CERT1: variants seen among roughly 807,000 people sequenced by gnomAD.
CERT1 encodes ceramide transporter 1, also known as ceramide transfer protein.
A neutral mutation model predicts 87.9 loss-of-function variants in CERT1; 31 were observed. The observed-to-expected ratio is 0.35, with a 90% CI of 0.27 to 0.48. CERT1 has a LOEUF of 0.48. CERT1 is among the 20% of genes least tolerant of loss of function. The probability of loss-of-function intolerance (pLI) is 0.99; values close to 1 mark genes in which losing one functional copy is unlikely to be tolerated. For missense variants in CERT1, 487 were observed against 758.0 expected, an observed-to-expected ratio of 0.64 and a Z score of 4.20; for synonymous variants, 289 against 250.9, an observed-to-expected ratio of 1.15 and a Z score of -1.44.
intron 12 of CERT1, 78 bp from the exon 13 acceptor site, chr5:75,386,112 C>A: frequency 2.7e-6 from 3 of 1,108,110 alleles, no homozygotes; most frequent in South Asian, 3.2e-5. Context: ...GCTTTTAATA[C>A]AGCTGCTCTT....
rs976272233 is a variant in CERT1 at position 75,403,961 on chromosome 5, C to G, written c.931-903G>C. Among the ~76,000 whole-genome samples the G allele has an allele frequency of 2.0e-5, 3 of 152,032 alleles. No homozygotes were observed. The South Asian group carries it at 6.2e-4, about 32-fold the overall frequency. ...AACATATGTTCCTGCTGTGATGAAC[C>G]AAGTAAGTGGAACAACAGCTTTGTA... On this transcript the variant is annotated intron_variant, in intron 8 of 16. Coordinates refer to ENST00000643780, the MANE Select transcript of CERT1 (RefSeq NM_001379029.1).
intron 2 of CERT1, among the ~76,000 whole-genome samples, chr5:75,479,322 G>T (rs1189696944): frequency 6.6e-6 from 1 of 151,938 alleles, no homozygotes; most frequent in Non-Finnish European, 1.5e-5. Flanking sequence ...TAGGTTTGGG[G>T]GTACATGTGA....
intron 2 of CERT1, among the ~76,000 whole-genome samples, chr5:75,504,383 T>C (rs1190283774): frequency 6.6e-6 from 1 of 152,186 alleles, no homozygotes; most frequent in Non-Finnish European, 1.5e-5. Context: ...CGTAGTTTCA[T>C]TATCAACACT....
chr5:75,374,559 G>A (rs1761215136), downstream of CERT1: 2 of 713,666 alleles, frequency 2.8e-6, no homozygotes, highest in Admixed American at 1.7e-5. Context: ...CGTGCCCAAG[G>A]ACAAGGCCAT....
chr5:75,393,076 CATGCTATTAGGCTCAAAATTTG>C (rs1207016922), intron 11 of CERT1, among the ~76,000 whole-genome samples: 1 of 147,424 alleles, frequency 6.8e-6, no homozygotes, highest in Non-Finnish European at 1.5e-5. Flanking sequence ...CCAAATTTAC[CATGCTATTAGGCTCAAAATTTG>C]ACATTCTAGG....
intron 7 of CERT1, among the ~76,000 whole-genome samples, chr5:75,414,480 T>C (rs1389670659): frequency 6.6e-6 from 1 of 152,206 alleles, no homozygotes; most frequent in Non-Finnish European, 1.5e-5. Flanking sequence ...TGAAAATGTA[T>C]GTAAAAGTAC....
intron 2 of CERT1, among the ~76,000 whole-genome samples, chr5:75,484,665 G>A (rs1042363633): frequency 1.3e-5 from 2 of 151,484 alleles, no homozygotes. Flanking sequence ...ATGACAAAGG[G>A]GTTAATTCAG....
At chr5:75,426,502 G>T in intron 3 of CERT1, 24 bp from the exon 4 acceptor site, 1 of 1,502,532 alleles carries the variant, frequency 6.7e-7, no homozygotes, top group Non-Finnish European at 9.2e-7. Context: ...TAAACTATGT[G>T]AAAAGAATTT....
intron 2 of CERT1, among the ~76,000 whole-genome samples, chr5:75,495,928 T>G (rs1767041455): frequency 6.6e-6 from 1 of 150,752 alleles, no homozygotes; most frequent in African/African-American, 2.4e-5. Flanking sequence ...AATAAAAAAA[T>G]TAGCTGAAAA....
At chr5:75,490,323 T>A (rs1365623717) in intron 2 of CERT1, among the ~76,000 whole-genome samples, 2 of 152,102 alleles carry the variant, frequency 1.3e-5, no homozygotes, top group African/African-American at 2.4e-5. Context: ...TCTGCACATG[T>A]ATCCCAGAGC....
intron 2 of CERT1, among the ~76,000 whole-genome samples, chr5:75,495,107 T>C (rs1339794885): frequency 6.6e-6 from 1 of 152,242 alleles, no homozygotes; most frequent in Non-Finnish European, 1.5e-5. Context: ...TTTGGTTCCG[T>C]ATAATTAATT....
At chr5:75,372,104 A>G (rs1761104296) in intron 17 of CERT1, 1 of 152,254 alleles carries the variant, frequency 6.6e-6, no homozygotes, top group African/African-American at 2.4e-5. Flanking sequence ...CATTTAGTCC[A>G]AATGCAACTA....
chr5:75,423,867 T>C (rs1489605677), intron 5 of CERT1, among the ~76,000 whole-genome samples: 1 of 152,062 alleles, frequency 6.6e-6, no homozygotes, highest in Non-Finnish European at 1.5e-5. Context: ...TGGAATTATA[T>C]ATATATGAAA....
chr5:75,371,925 A>C (rs1165723386), intron 17 of CERT1: 3 of 151,870 alleles, frequency 2.0e-5, no homozygotes, highest in Non-Finnish European at 2.9e-5. Context: ...CCTCTTTTGG[A>C]CTCTTTCCAC....
intron 2 of CERT1, among the ~76,000 whole-genome samples, chr5:75,466,326 C>A (rs1765453026): frequency 6.6e-6 from 1 of 152,156 alleles, no homozygotes; most frequent in Non-Finnish European, 1.5e-5. Flanking sequence ...TCAAAAGGTT[C>A]TTTTAAAACT....
intron 7 of CERT1, 65 bp from the exon 8 acceptor site, chr5:75,411,168 A>C (rs1020830884): frequency 1.4e-5 from 12 of 861,034 alleles, no homozygotes; most frequent in Non-Finnish European, 2.0e-5. Context: ...GAAGTCTTTT[A>C]GGTGGAATTC....
chr5:75,422,284 C>T (rs575933520), intron 5 of CERT1, among the ~76,000 whole-genome samples: 3 of 152,230 alleles, frequency 2.0e-5, no homozygotes, highest in African/African-American at 7.2e-5. Flanking sequence ...TCAAACTACC[C>T]CTTTACCATA....
chr5:75,435,479 T>C (rs191098356), intron 3 of CERT1, among the ~76,000 whole-genome samples: 25 of 152,316 alleles, frequency 1.6e-4, no homozygotes, highest in Admixed American at 1.2e-3. Context: ...AGGTGGTAAT[T>C]TGGAGGTTAG....
At chr5:75,434,297 C>T (rs1763998982) in intron 3 of CERT1, among the ~76,000 whole-genome samples, 1 of 148,890 alleles carries the variant, frequency 6.7e-6, no homozygotes, top group African/African-American at 2.5e-5. Context: ...TCTGATGAAT[C>T]ACATTTATTG....
Sources: allele counts gnomAD v4.1 joint callset (sites outside exome capture counted in the v4.1 genomes callset), GRCh38; gene constraint gnomAD v4.1.1; transcripts MANE v1.5; gene names NCBI Gene and HGNC (gene_info 2026-07-23, HGNC 2026-07-21).